The following FXN variants were observed in gnomAD, a reference collection of about 807,000 sequenced individuals.
FXN encodes the protein frataxin, also known as frataxin, mitochondrial.
Under a neutral mutation model 22.4 loss-of-function variants are expected in FXN, and 14 were observed. The observed-to-expected ratio is 0.62, with a 90% CI of 0.41 to 0.98. FXN has a LOEUF of 0.98. Among genes scored for constraint, FXN ranks in the 50% least tolerant of loss-of-function variants. The pLI, the probability that FXN is intolerant of heterozygous loss-of-function variation, is 0.00. For synonymous variants in FXN, 120 were observed against 114.1 expected (o/e 1.05, Z -0.33); for missense variants, 267 against 268.4 (o/e 0.99, Z 0.04).
Position 69,074,358 on chromosome 9 carries a change from T to G in FXN, c.*1596T>G. 1.0e-6 allele frequency: 1 copy of G among 985,236 alleles called. No individual in the cohort carries two copies. The highest frequency in any genetic ancestry group is 1.2e-6 in the Non-Finnish European group (1 of 829,882). 61.0% of individuals were successfully genotyped at this position (985,236 alleles called of 1,614,324 possible). On this transcript the variant is annotated 3_prime_UTR_variant, in exon 5 of 5. Transcript: ENST00000484259. ...GCAAAGTTATGCTCATGTTATATTA[T>G]TTTCTTACTTAAAGAAGGATTTATT...
At chr9:69,041,023 T>C (rs900424058) in intron 1 of FXN, among the ~76,000 whole-genome samples, 11 of 152,214 alleles carry the variant, frequency 7.2e-5, no homozygotes, top group African/African-American at 2.4e-4. Flanking sequence ...CAGTGGCTGG[T>C]ATTTTGTTAT....
intron 1 of FXN, among the ~76,000 whole-genome samples, chr9:69,038,290 A>C (rs1831598561): frequency 6.6e-6 from 1 of 152,100 alleles, no homozygotes; most frequent in Non-Finnish European, 1.5e-5. Context: ...ATTGACCCTA[A>C]GCTCCCCCTG....
chr9:69,051,990 G>A (rs1262591417), intron 2 of FXN, among the ~76,000 whole-genome samples: 1 of 151,188 alleles, frequency 6.6e-6, no homozygotes, highest in Non-Finnish European at 1.5e-5. Flanking sequence ...TGGGATTACA[G>A]GCTCGCCCCA....
intron 1 of FXN, among the ~76,000 whole-genome samples, chr9:69,044,855 C>A (rs139253638): frequency 7.4e-4 from 112 of 152,380 alleles, no homozygotes; most frequent in African/African-American, 2.6e-3. Context: ...CAACAGGTCA[C>A]ATTCTGTCCT....
chr9:69,058,559 C>T (rs1832005619), intron 3 of FXN, among the ~76,000 whole-genome samples: 1 of 151,540 alleles, frequency 6.6e-6, no homozygotes, highest in South Asian at 2.1e-4. Context: ...CTGATGACTG[C>T]TCTGGTCCCT....
Position 69,073,875 on chromosome 9 carries a change from A to C in FXN, c.*1113A>C. 1.0e-6 allele frequency: 1 copy of C among 985,370 alleles called. No individual in the cohort carries two copies. The highest frequency in any genetic ancestry group is 1.7e-5 in the African/African-American group (1 of 57,338). 61.0% of individuals were successfully genotyped at this position (985,370 alleles called of 1,614,324 possible). On this transcript the variant is annotated 3_prime_UTR_variant, in exon 5 of 5. Transcript: ENST00000484259. ...GTTGCCCTATCGTGATTTCAGTTGA[A>C]TTCATGTGAAAATAATAGCCATCCT...
chr9:69,037,517 C>T (rs9333291), intron 1 of FXN, among the ~76,000 whole-genome samples: 32,756 of 151,994 alleles, frequency 0.22, 3,640 homozygotes, highest in South Asian at 0.32. Context: ...TTCCCAGCAT[C>T]TCTGGAAAAA....
At chr9:69,071,351 C>G in intron 4 of FXN, 1 of 511,896 alleles carries the variant, frequency 2.0e-6, no homozygotes, top group South Asian at 1.4e-5. Context: ...CTTTTATTGC[C>G]CAAGCTTCCC....
intron 3 of FXN, among the ~76,000 whole-genome samples, chr9:69,058,827 G>T (rs1247740858): frequency 6.6e-6 from 1 of 152,152 alleles, no homozygotes; most frequent in Non-Finnish European, 1.5e-5. Flanking sequence ...CCAGCACTTT[G>T]GGAGGCCGAG....
chr9:69,037,196 G>T (rs1266926188), intron 1 of FXN, among the ~76,000 whole-genome samples: 1 of 150,610 alleles, frequency 6.6e-6, no homozygotes, highest in Admixed American at 6.6e-5. Context: ...GGCCTAGGAA[G>T]GTGGATCACC....
At chr9:69,058,405 T>C (rs926128846) in intron 3 of FXN, among the ~76,000 whole-genome samples, 3 of 152,034 alleles carry the variant, frequency 2.0e-5, no homozygotes, top group Non-Finnish European at 2.9e-5. Flanking sequence ...CTCTTTTTTT[T>C]CCCAGGTGGA....
rs1832039909 is a variant in FXN at position 69,060,161 on chromosome 9, G to A, written c.385-4777G>A. 2.0e-5 allele frequency among the ~76,000 whole-genome samples: 3 copies of A among 152,160 alleles called. No homozygotes were observed. In the South Asian group the frequency reaches 6.2e-4, roughly 32 times the overall value. ...AGGCGGGCGGATCACGAGGTCAGGA[G>A]ATCGAGACCATTCTGGCTAACACGG... On this transcript the variant is annotated intron_variant, in intron 3 of 4. Transcript: ENST00000484259.
intron 4 of FXN, among the ~76,000 whole-genome samples, chr9:69,066,106 G>A (rs1032401724): frequency 6.6e-6 from 1 of 152,180 alleles, no homozygotes; most frequent in Non-Finnish European, 1.5e-5. Flanking sequence ...CAGCAGCCTG[G>A]CTGCTGTTGA....
At position 69,075,312 on chromosome 9, in the gene FXN, T is replaced by C. The variant is rs184401443; in HGVS notation, c.*2550T>C. On this transcript the variant is annotated 3_prime_UTR_variant, in exon 5 of 5. Transcript: ENST00000484259. The stretch of plus-strand genomic sequence containing the variant: ...GTCTCTACTAAAAATATTAAAAAAT[T>C]GGCTGGGCGTGGTGGTTCGTGCCTA... 1.7e-3 allele frequency: 1,073 copies of C among 616,538 alleles called. 5 individuals are homozygous for C. The highest frequency in any genetic ancestry group is 1.6e-3 in the Non-Finnish European group (794 of 493,402). 38.2% of individuals were successfully genotyped at this position (616,538 alleles called of 1,614,324 possible).
chr9:69,039,984 C>T (rs530983444), intron 1 of FXN, among the ~76,000 whole-genome samples: 138 of 152,176 alleles, frequency 9.1e-4, no homozygotes, highest in Non-Finnish European at 1.8e-3. Context: ...ACTAGTTTCA[C>T]TCCCATGATA....
intron 1 of FXN, among the ~76,000 whole-genome samples, chr9:69,038,576 A>G (rs1831602718): frequency 6.6e-6 from 1 of 152,220 alleles, no homozygotes. Flanking sequence ...CTGTAATCCC[A>G]GGACTTTGGG....
At chr9:69,049,070 G>A (rs1357238123) in intron 2 of FXN, among the ~76,000 whole-genome samples, 3 of 152,264 alleles carry the variant, frequency 2.0e-5, no homozygotes, top group African/African-American at 7.2e-5. Context: ...TAGGGCCCTT[G>A]CAGGATGCCC....
chr9:69,067,979 G>T (rs574250383), intron 4 of FXN, among the ~76,000 whole-genome samples: 45 of 152,332 alleles, frequency 3.0e-4, no homozygotes, highest in African/African-American at 1.1e-3. Context: ...TGTATAATGG[G>T]CATTGATGAG....
rs1006143471 is a variant in FXN, at chr9:69,075,168, A to C, written c.*2406A>C. 4 of 985,476 alleles carry C rather than the reference A, an allele frequency of 4.1e-6. No homozygotes were observed. The highest frequency in any genetic ancestry group is 4.8e-6 in the Non-Finnish European group (4 of 829,972). 61.0% of individuals were successfully genotyped at this position (985,476 alleles called of 1,614,324 possible). ...CAGTGGGAGATCCCCATTTAAGGAA[A>C]GAAAAGGGGCCTGGCACAGTGGCTC... On this transcript the variant is annotated 3_prime_UTR_variant, in exon 5 of 5. Transcript: ENST00000484259.
Sources: allele counts gnomAD v4.1 joint callset (sites outside exome capture counted in the v4.1 genomes callset), GRCh38; gene constraint gnomAD v4.1.1; transcripts MANE v1.5; gene names NCBI Gene and HGNC (gene_info 2026-07-23, HGNC 2026-07-21).